Variants in COL4A4 observed in about 807,000 individuals in gnomAD.
COL4A4 encodes the protein collagen alpha-4(IV) chain.
A neutral mutation model predicts 192.9 loss-of-function variants in COL4A4; 105 were observed. The observed-to-expected ratio is 0.54, with a 90% confidence interval of 0.46 to 0.64. COL4A4 has a LOEUF of 0.64. COL4A4 is among the 30% of genes least tolerant of loss of function. COL4A4 has a pLI of 0.00. For missense variants in COL4A4, 1,967 were observed against 2,169.3 expected (o/e 0.91, Z 1.85); for synonymous variants, 762 against 769.9 (o/e 0.99, Z 0.17).
At chr2:226,967,775 G>T in the COL4A4 span, among the ~76,000 whole-genome samples, 2 of 152,118 alleles carry the variant, frequency 1.3e-5, no homozygotes, top group African/African-American at 4.8e-5. Context: ...AAATGTGTGT[G>T]TGAGAGGGCT....
At chr2:227,080,676 CAA>C in intron 23 of COL4A4, 127 bp from the exon 24 acceptor site, 1 of 759,518 alleles carries the variant, frequency 1.3e-6, no homozygotes, top group Admixed American at 2.1e-5. Context: ...CTCAATTGCT[CAA>C]GTCACATAAA....
At chr2:227,136,632 C>T (rs1267760233) in intron 4 of COL4A4, among the ~76,000 whole-genome samples, 3 of 152,158 alleles carry the variant, frequency 2.0e-5, no homozygotes, top group Non-Finnish European at 1.5e-5. Context: ...CTAACTCTAG[C>T]TCTCCTCTCC....
chr2:226,992,395 A>T, the COL4A4 span, among the ~76,000 whole-genome samples: 8 of 152,240 alleles, frequency 5.3e-5, no homozygotes, highest in African/African-American at 1.9e-4. Context: ...AAACAAAGCA[A>T]TTCGGCCATT....
In COL4A4 at chr2:227,098,752, C is replaced by G. The variant is rs2060342811; in HGVS notation, c.1146G>C (p.Gly382=). The G allele has an allele frequency of 1.2e-6, 2 of 1,613,980 alleles. No homozygotes were observed. Among genetic ancestry groups the G allele is most frequent in the Admixed American group, 1.7e-5 (1 of 60,002 alleles). ...PGFPGRYGET[G]DVGPPGPPGL... ...CTGGGGGACCAGGTGGTCCAACATC[C>G]CCTGTTTCTCCATAGCGGCCAGGGA... The change falls in exon 19 of 48, where the codon GGG becomes GGC. Residue 382 remains glycine (G), a synonymous_variant. Transcript: ENST00000396625.
intron 21 of COL4A4, 75 bp from the exon 22 acceptor site, chr2:227,088,891 C>A: frequency 6.5e-7 from 1 of 1,530,612 alleles, no homozygotes; most frequent in Non-Finnish European, 9.0e-7. Flanking sequence ...CTGTACAAAA[C>A]CAATAGCATA....
the COL4A4 span, among the ~76,000 whole-genome samples, chr2:226,978,880 A>G: frequency 6.6e-6 from 1 of 152,192 alleles, no homozygotes; most frequent in Non-Finnish European, 1.5e-5. Flanking sequence ...AAGCTCTCCC[A>G]GCTACTGTGT....
intron 20 of COL4A4, among the ~76,000 whole-genome samples, chr2:227,092,527 C>G (rs1237847706): frequency 6.6e-6 from 1 of 152,088 alleles, no homozygotes; most frequent in African/African-American, 2.4e-5. Flanking sequence ...GAGATTTATT[C>G]AAAGAGCTAA....
chr2:227,014,266 A>G (rs1964418748), intron 44 of COL4A4, among the ~76,000 whole-genome samples: 1 of 152,144 alleles, frequency 6.6e-6, no homozygotes, highest in Non-Finnish European at 1.5e-5. Context: ...ACTGGCTCAC[A>G]CTTTGGTAGA....
chr2:227,114,110 G>A (rs750063618), intron 8 of COL4A4, among the ~76,000 whole-genome samples: 1 of 152,184 alleles, frequency 6.6e-6, no homozygotes, highest in Non-Finnish European at 1.5e-5. Flanking sequence ...CAATAATGGT[G>A]ACTTTTACTG....
intron 25 of COL4A4, among the ~76,000 whole-genome samples, chr2:227,071,977 A>G (rs1260369584): frequency 6.6e-6 from 1 of 152,086 alleles, no homozygotes; most frequent in Non-Finnish European, 1.5e-5. Flanking sequence ...ACCTAAAGTC[A>G]CACCTCAAGG....
chr2:226,991,433 G>T, the COL4A4 span, among the ~76,000 whole-genome samples: 1 of 152,182 alleles, frequency 6.6e-6, no homozygotes, highest in Non-Finnish European at 1.5e-5. Flanking sequence ...GCCCGCCTCA[G>T]CCTCCCAAAG....
intron 25 of COL4A4, among the ~76,000 whole-genome samples, chr2:227,074,690 G>T (rs115580792): frequency 4.6e-5 from 7 of 152,028 alleles, no homozygotes; most frequent in Admixed American, 2.6e-4. Context: ...AGAAAATGTG[G>T]TATACAAAAA....
intron 12 of COL4A4, among the ~76,000 whole-genome samples, chr2:227,107,635 T>C (rs2060927931): frequency 6.6e-6 from 1 of 152,138 alleles, no homozygotes; most frequent in Admixed American, 6.6e-5. Context: ...CCAGTGTCAG[T>C]CCTAGCTTGG....
intron 8 of COL4A4, among the ~76,000 whole-genome samples, chr2:227,112,353 C>T (rs2061262487): frequency 6.6e-6 from 1 of 152,034 alleles, no homozygotes. Flanking sequence ...ACTGCAACCT[C>T]CACCTCCTGG....
At position 227,077,699 on chromosome 2, in the gene COL4A4, G is replaced by GA. The variant is rs768453060; in HGVS notation, c.1987+194dup. Among the ~76,000 whole-genome samples, 23,384 of 140,392 alleles carry GA rather than the reference G, an allele frequency of 0.17. 2,337 individuals are homozygous for GA. Among genetic ancestry groups the GA allele is most frequent in the African/African-American group, 0.29 (11,230 of 38,762 alleles). The allele number at this position is 140,392 out of a possible 152,430, so 92.1% of individuals were successfully genotyped here. On this transcript the variant is annotated intron_variant, in intron 25 of 47. Transcript: ENST00000396625. ...AAAAAGAAAAACACTTGAATACTGAGAAAAAAAAAAAGAAGGAGGAGGGAG... is the reference window on the plus strand; with the variant it reads ...AAAAAGAAAAACACTTGAATACTGAGAAAAAAAAAAAAGAAGGAGGAGGGAG...
chr2:227,129,531 C>T (rs2062296800), intron 4 of COL4A4, among the ~76,000 whole-genome samples: 1 of 151,890 alleles, frequency 6.6e-6, no homozygotes, highest in South Asian at 2.1e-4. Context: ...GCCTCAGCCT[C>T]CCAAGTAGCT....
intron 25 of COL4A4, among the ~76,000 whole-genome samples, chr2:227,065,264 T>C (rs1286226357): frequency 6.6e-6 from 1 of 152,108 alleles, no homozygotes; most frequent in Non-Finnish European, 1.5e-5. Flanking sequence ...AGCACAGCAG[T>C]CTGAGATCAA....
At chr2:227,090,874 T>TA (rs61653413) in intron 20 of COL4A4, among the ~76,000 whole-genome samples, 4,574 of 124,064 alleles carry the variant, frequency 0.037, 148 homozygotes, top group East Asian at 0.2. Flanking sequence ...GGCAGATCCT[T>TA]AAAAAAAAAA....
chr2:226,983,474 G>A, the COL4A4 span, among the ~76,000 whole-genome samples: 9 of 152,074 alleles, frequency 5.9e-5, no homozygotes, highest in Non-Finnish European at 1.0e-4. Flanking sequence ...CTTTTCCCAG[G>A]CCCAACAGCC....
Sources: allele counts gnomAD v4.1 joint callset (sites outside exome capture counted in the v4.1 genomes callset), GRCh38; gene constraint gnomAD v4.1.1; transcripts MANE v1.5; gene names NCBI Gene and HGNC (gene_info 2026-07-23, HGNC 2026-07-21).